Variants in RPE65 observed in about 807,000 individuals in gnomAD.
The protein encoded by RPE65 is retinoid isomerohydrolase RPE65.
Under a neutral mutation model 68.5 loss-of-function variants are expected in RPE65, and 58 were observed. The observed-to-expected ratio is 0.85, with a 90% confidence interval of 0.69 to 1.05. The LOEUF is 1.05. Ranked by LOEUF, RPE65 falls within the 50% of genes least tolerant of loss-of-function variation. The pLI, the probability that RPE65 is intolerant of heterozygous loss-of-function variation, is 0.00. For missense variants in RPE65, 643 were observed against 629.9 expected, an observed-to-expected ratio of 1.02 and a Z score of -0.22; for synonymous variants, 220 against 222.2, an observed-to-expected ratio of 0.99 and a Z score of 0.09.
rs746506594 is a variant in RPE65 at position 68,431,285 on chromosome 1, A to T, written c.1335T>A (p.Asp445Glu). The T allele has an allele frequency of 1.2e-6, 2 of 1,613,654 alleles. No homozygotes were observed. The highest frequency in any genetic ancestry group is 1.7e-6 in the Non-Finnish European group (2 of 1,179,656). ...YGLGLNHFVP[D>E]RLCKLNVKTK... ...ATTAGTAAGAAGGATTAATTACCCT[A>T]TCTGGAACAAAGTGATTCAAGCCAA... The change falls in exon 12 of 14, where the codon GAT becomes GAA. Residue 445 changes from aspartate (D) to glutamate (E), a missense_variant. Transcript: ENST00000262340.
rs369335287 is a variant in RPE65, at chr1:68,429,854, C to G, written c.1524G>C (p.Lys508Asn). 1.2e-6 allele frequency: 2 copies of G among 1,613,708 alleles called. No individual in the cohort carries two copies. The highest frequency in any genetic ancestry group is 1.7e-6 in the Non-Finnish European group (2 of 1,179,834). ...CAGCCCGGGCAACTTCACTTAAGTC[C>G]TTGGCATTCAGAATCAGGAGATAAG... ...KPAYLLILNA[K>N]DLSEVARAEV... The change falls in exon 14 of 14, where the codon AAG (lysine) becomes AAC (asparagine). Residue 508 changes from lysine (K) to asparagine (N), a missense_variant. Coordinates refer to ENST00000262340, the MANE Select transcript of RPE65 (RefSeq NM_000329.3).
At chr1:68,432,909 CAAG>C (rs2100809856) in intron 10 of RPE65, among the ~76,000 whole-genome samples, 1 of 152,148 alleles carries the variant, frequency 6.6e-6, no homozygotes, top group African/African-American at 2.4e-5. Context: ...AGGACAGAGT[CAAG>C]AAGATTTCCT....
chr1:68,433,856 G>A (rs927505366), intron 10 of RPE65, among the ~76,000 whole-genome samples: 5 of 152,050 alleles, frequency 3.3e-5, no homozygotes, highest in African/African-American at 1.2e-4. Context: ...AGGTCTACAT[G>A]AGAAAGTGTT....
Position 68,444,772 on chromosome 1 carries a change from T to A in RPE65, c.353+4A>T, listed in dbSNP as rs1299116346. 1 of 1,614,162 alleles carries A rather than the reference T, an allele frequency of 6.2e-7. No homozygotes were observed. Among genetic ancestry groups the A allele is most frequent in the African/African-American group, 1.3e-5 (1 of 75,064 alleles). On this transcript the variant is annotated splice_donor_region_variant and intron_variant, in intron 4 of 13. Transcript: ENST00000262340. ...TGAGTAACATTCAGTTTGGGTTCAG[T>A]AACCTGGAAAATATATTCTTGCAGG...
Position 68,439,255 on chromosome 1 carries a change from A to G in RPE65, c.794T>C (p.Leu265Pro), listed in dbSNP as rs370553891. Reference protein sequence around the residue: ...TPVKINLFKFLSSWSLWGANY... With the variant: ...TPVKINLFKFPSSWSLWGANY... ...GGCTCCCCAAAGACTCCATGAAGAA[A>G]GGAACTTGAACAGGTTAATTTTGAC... Residue 265 changes from leucine to proline, a missense_variant, in exon 8 of 14, where the codon CTT (leucine) becomes CCT (proline). By Grantham distance (98) the Leu-to-Pro change is moderately conservative. Transcript: ENST00000262340. 6.2e-7 allele frequency: 1 copy of G among 1,614,108 alleles called. No individual in the cohort carries two copies. The highest frequency in any genetic ancestry group is 8.5e-7 in the Non-Finnish European group (1 of 1,179,976).
At chr1:68,437,419 G>C (rs1368480462) in intron 10 of RPE65, among the ~76,000 whole-genome samples, 1 of 152,144 alleles carries the variant, frequency 6.6e-6, no homozygotes, top group African/African-American at 2.4e-5. Context: ...ACTTGCTTAA[G>C]AGCAGTGGTG....
rs1645802843 is a variant in RPE65 at position 68,429,222 on chromosome 1, G to A, written c.*554C>T. 1 of 153,264 alleles carries A rather than the reference G, an allele frequency of 6.5e-6. No individual in the cohort carries two copies. The highest frequency in any genetic ancestry group is 2.4e-5 in the African/African-American group (1 of 41,390). The allele number at this position is 153,264 out of a possible 1,614,324, so 9.5% of individuals were successfully genotyped here. ...GTACTTGCTTGTAATAAACGGAAAG[G>A]TTAACATTCATAAGATTCATAATCT... is the stretch of plus-strand genomic sequence containing the variant. On this transcript the variant is annotated 3_prime_UTR_variant, in exon 14 of 14. Coordinates refer to ENST00000262340, the MANE Select transcript of RPE65 (RefSeq NM_000329.3).
intron 10 of RPE65, among the ~76,000 whole-genome samples, chr1:68,433,374 G>A (rs1886906): frequency 0.42 from 63,390 of 151,804 alleles, 14,334 homozygotes; most frequent in East Asian, 0.77. Context: ...GAAAGATGGG[G>A]AGAATTGGGA....
chr1:68,442,446 A>G (rs942006605), intron 5 of RPE65, among the ~76,000 whole-genome samples: 8 of 152,220 alleles, frequency 5.3e-5, no homozygotes, highest in African/African-American at 1.9e-4. Context: ...GCCAGCCACA[A>G]AGACCTTCGC....
chr1:68,429,569 G>T lies in RPE65; in HGVS notation c.*207C>A, dbSNP rs1571156990. On this transcript the variant is annotated 3_prime_UTR_variant, in exon 14 of 14. Coordinates refer to ENST00000262340, the MANE Select transcript of RPE65 (RefSeq NM_000329.3). ...AGTTATGGCCTGTCTCACAGAGGAA[G>T]TATGATTATCTAAATACGTACTTTT... The T allele has an allele frequency of 1.7e-6, 1 of 588,864 alleles. No individual in the cohort carries two copies. The allele number at this position is 588,864 out of a possible 1,614,324, so 36.5% of individuals were successfully genotyped here. A position where few individuals can be genotyped will look rare whatever the true frequency, so the allele number is the denominator to read the frequency against.
intron 9 of RPE65, among the ~76,000 whole-genome samples, 182 bp from the exon 10 acceptor site, chr1:68,438,498 T>C (rs1037959112): frequency 3.3e-5 from 5 of 152,160 alleles, no homozygotes; most frequent in African/African-American, 1.2e-4. Flanking sequence ...TAAAGCAACC[T>C]GCTTAATGGA....
chr1:68,431,206 C>A (rs1429280500), intron 12 of RPE65, 30 bp from the exon 13 acceptor site: 1 of 1,608,964 alleles, frequency 6.2e-7, no homozygotes, highest in Admixed American at 1.7e-5. Flanking sequence ...ATCAATCAAG[C>A]AATCAGTCAA....
rs2100819643 is a variant in RPE65 at position 68,439,555 on chromosome 1, A to G, written c.725+6T>C. 4 of 1,613,542 alleles carry G rather than the reference A, an allele frequency of 2.5e-6. No homozygotes were observed. Among genetic ancestry groups the G allele is most frequent in the Non-Finnish European group, 3.4e-6 (4 of 1,179,428 alleles). On this transcript the variant is annotated splice_donor_region_variant and intron_variant, in intron 7 of 13. Transcript: ENST00000262340. ...CCTGAAGATTCATAGCAGGCCTTCA[A>G]GTTACCTATGAACGTAAGATGGCTT... is the stretch of plus-strand genomic sequence containing the variant.
At chr1:68,441,173 G>C (rs1645900015) in intron 5 of RPE65, among the ~76,000 whole-genome samples, 173 bp from the exon 6 acceptor site, 1 of 152,064 alleles carries the variant, frequency 6.6e-6, no homozygotes, top group African/African-American at 2.4e-5. Context: ...CCTTCATGCA[G>C]AACATAATGC....
Position 68,431,282 on chromosome 1 carries a change from C to A in RPE65, c.1338G>T (p.Arg446Ser), listed in dbSNP as rs1420672586. 7 of 1,613,286 alleles carry A rather than the reference C, an allele frequency of 4.3e-6. No homozygotes were observed. The Admixed American group carries it at 1.2e-4, about 27-fold the overall frequency. Residue 446 changes from arginine (R) to serine (S), a missense_variant and splice_region_variant, in exon 12 of 14, where the codon AGG becomes AGT. Coordinates refer to ENST00000262340, the MANE Select transcript of RPE65 (RefSeq NM_000329.3). ...AATATTAGTAAGAAGGATTAATTAC[C>A]CTATCTGGAACAAAGTGATTCAAGC... ...GLGLNHFVPD[R>S]LCKLNVKTKE...
intron 3 of RPE65, 21 bp from the exon 4 acceptor site, chr1:68,444,904 G>A (rs995298889): frequency 1.9e-6 from 3 of 1,608,880 alleles, no homozygotes; most frequent in African/African-American, 2.7e-5. Flanking sequence ...TTGAAACATA[G>A]GGAAGAGTAT....
chr1:68,436,444 C>CTATTTATT (rs71071305), intron 10 of RPE65, among the ~76,000 whole-genome samples: 324 of 147,578 alleles, frequency 2.2e-3, no homozygotes, highest in Middle Eastern at 6.9e-3. Context: ...CCTGTTACTT[C>CTATTTATT]TATTTATTTA....
chr1:68,447,637 G>A (rs777148606), intron 2 of RPE65, among the ~76,000 whole-genome samples: 33 of 152,102 alleles, frequency 2.2e-4, no homozygotes, highest in Non-Finnish European at 2.9e-4. Flanking sequence ...CTAGGCGGGC[G>A]GATCACGAGG....
chr1:68,446,558 T>C (rs1413897637), intron 3 of RPE65, 152 bp downstream of exon 3: 2 of 881,138 alleles, frequency 2.3e-6, no homozygotes, highest in African/African-American at 3.3e-5. Context: ...TGTTCCCTCG[T>C]ATCCATGCAG....
Sources: gnomAD v4.1 joint callset for allele counts (sites outside exome capture counted in the v4.1 genomes callset) on GRCh38, gnomAD v4.1.1 for gene constraint, MANE v1.5 for transcripts, NCBI Gene and HGNC (gene_info 2026-07-23, HGNC 2026-07-21) for gene names.